Variants in NLGN1 observed in about 807,000 individuals in gnomAD.
NLGN1 encodes neuroligin-1.
Under a neutral mutation model 65.5 loss-of-function variants are expected in NLGN1, and 12 were observed. The ratio of observed to expected loss-of-function variants is 0.18; its 90% CI spans 0.12 to 0.30. The LOEUF (loss-of-function observed/expected upper bound fraction) is 0.30, where lower values mean the gene tolerates loss of function less well. NLGN1 is among the 10% of genes least tolerant of loss of function. The pLI is 1.00. For missense variants in NLGN1, 750 were observed against 1,007.1 expected, an observed-to-expected ratio of 0.74 and a Z score of 3.46; for synonymous variants, 350 against 359.5, an observed-to-expected ratio of 0.97 and a Z score of 0.30.
At chr3:173,661,713 T>G (rs1485679786) in intron 3 of NLGN1, among the ~76,000 whole-genome samples, 1 of 152,050 alleles carries the variant, frequency 6.6e-6, no homozygotes, top group African/African-American at 2.4e-5. Flanking sequence ...AAGTTACAAT[T>G]CATAACTATA....
chr3:173,455,475 A>G (rs1255013650), intron 2 of NLGN1, among the ~76,000 whole-genome samples: 1 of 152,190 alleles, frequency 6.6e-6, no homozygotes, highest in East Asian at 1.9e-4. Flanking sequence ...TATCCAAACC[A>G]TATCAATCAG....
At chr3:173,539,752 A>AACAC (rs1365533692) in intron 2 of NLGN1, among the ~76,000 whole-genome samples, 4 of 114,222 alleles carry the variant, frequency 3.5e-5, no homozygotes, top group African/African-American at 1.6e-4. Flanking sequence ...GTACATATAT[A>AACAC]ACATATACAT....
chr3:174,126,058 G>GAGA (rs1577006446), intron 4 of NLGN1, among the ~76,000 whole-genome samples: 2 of 152,222 alleles, frequency 1.3e-5, no homozygotes, highest in East Asian at 3.9e-4. Flanking sequence ...GTCACACATT[G>GAGA]AGAAGGAGTG....
intron 4 of NLGN1, among the ~76,000 whole-genome samples, chr3:174,102,114 A>G (rs1216439081): frequency 6.6e-6 from 1 of 152,118 alleles, no homozygotes; most frequent in Admixed American, 6.6e-5. Flanking sequence ...TAGATTTTCC[A>G]CCCTCCAAAG....
At chr3:173,997,437 TC>T (rs1410246136) in intron 4 of NLGN1, among the ~76,000 whole-genome samples, 1 of 152,196 alleles carries the variant, frequency 6.6e-6, no homozygotes, top group East Asian at 1.9e-4. Flanking sequence ...ACATCCAGAA[TC>T]ATTTTTTAAG....
intron 3 of NLGN1, among the ~76,000 whole-genome samples, chr3:173,721,280 G>C (rs1770792542): frequency 6.6e-6 from 1 of 152,190 alleles, no homozygotes; most frequent in Non-Finnish European, 1.5e-5. Flanking sequence ...AGGTGACCTT[G>C]TGTCCAATCA....
chr3:173,683,480 GAAC>G (rs1039972715), intron 3 of NLGN1, among the ~76,000 whole-genome samples: 1 of 152,166 alleles, frequency 6.6e-6, no homozygotes, highest in Admixed American at 6.5e-5. Flanking sequence ...CCAAGTGACA[GAAC>G]AACAACTATT....
intron 4 of NLGN1, among the ~76,000 whole-genome samples, chr3:174,239,370 A>G (rs1385934864): frequency 6.6e-6 from 1 of 152,096 alleles, no homozygotes; most frequent in African/African-American, 2.4e-5. Flanking sequence ...AGCCTGGCCT[A>G]TATTGCCTAA....
At chr3:173,726,617 T>C (rs1170435015) in intron 3 of NLGN1, among the ~76,000 whole-genome samples, 1 of 152,138 alleles carries the variant, frequency 6.6e-6, no homozygotes, top group African/African-American at 2.4e-5. Context: ...GTCACCTTTC[T>C]CTAAACCTTG....
At chr3:173,515,037 A>T (rs1369937498) in intron 2 of NLGN1, among the ~76,000 whole-genome samples, 1 of 152,208 alleles carries the variant, frequency 6.6e-6, no homozygotes, top group Admixed American at 6.5e-5. Context: ...GGATTGCTGA[A>T]TTATATGGTA....
chr3:174,040,266 A>G lies in NLGN1; in HGVS notation c.646+232434A>G, dbSNP rs111526164. On this transcript the variant is annotated intron_variant, in intron 4 of 6. Coordinates refer to ENST00000457714, the Ensembl canonical transcript of NLGN1. ...TTAACTCTGTGTGTTACGTAAGGGG[A>G]ATGACGGAGAGAGCAGTCTGTTACT... 2.9e-3 allele frequency among the ~76,000 whole-genome samples: 447 copies of G among 152,206 alleles called. 3 individuals are homozygous for G. Among genetic ancestry groups the G allele is most frequent in the African/African-American group, 0.01 (428 of 41,540 alleles).
At chr3:174,004,572 A>G (rs1266017384) in intron 4 of NLGN1, among the ~76,000 whole-genome samples, 1 of 152,212 alleles carries the variant, frequency 6.6e-6, no homozygotes, top group African/African-American at 2.4e-5. Flanking sequence ...TAATATAGTA[A>G]TTCTATTTAA....
intron 4 of NLGN1, among the ~76,000 whole-genome samples, chr3:174,147,172 A>G (rs1378172475): frequency 2.0e-5 from 3 of 152,054 alleles, no homozygotes; most frequent in Non-Finnish European, 4.4e-5. Flanking sequence ...GCCAAACCAC[A>G]GCTAAGCCTA....
intron 2 of NLGN1, among the ~76,000 whole-genome samples, chr3:173,490,700 A>G (rs1052874250): frequency 1.3e-5 from 2 of 152,176 alleles, no homozygotes; most frequent in Non-Finnish European, 2.9e-5. Flanking sequence ...GGCGATTTTC[A>G]CGATATTGAT....
intron 4 of NLGN1, among the ~76,000 whole-genome samples, chr3:173,841,137 A>G (rs758422199): frequency 3.6e-5 from 3 of 84,388 alleles, no homozygotes; most frequent in Non-Finnish European, 7.8e-5. Context: ...CATTGTATCT[A>G]TATCTATAGT....
intron 3 of NLGN1, among the ~76,000 whole-genome samples, chr3:173,628,800 T>G (rs1305168823): frequency 6.6e-6 from 1 of 151,994 alleles, no homozygotes; most frequent in Non-Finnish European, 1.5e-5. Context: ...CTCAAGCGAT[T>G]CTCCTAGCTC....
At chr3:173,847,664 G>A (rs1191523817) in intron 4 of NLGN1, among the ~76,000 whole-genome samples, 1 of 152,140 alleles carries the variant, frequency 6.6e-6, no homozygotes, top group Non-Finnish European at 1.5e-5. Context: ...CTGAGGGCAG[G>A]AGTTTGAGAC....
chr3:173,459,579 A>G (rs920886813), intron 2 of NLGN1, among the ~76,000 whole-genome samples: 1 of 152,162 alleles, frequency 6.6e-6, no homozygotes, highest in African/African-American at 2.4e-5. Context: ...ATTGTAGAAA[A>G]CAAGATCATG....
chr3:173,823,921 A>T (rs976277448), intron 4 of NLGN1, among the ~76,000 whole-genome samples: 8 of 20,084 alleles, frequency 4.0e-4, no homozygotes, highest in South Asian at 9.7e-4. Flanking sequence ...TGTTAATTTA[A>T]AAAAAAAAAA....
Sources: allele counts gnomAD v4.1 joint callset (sites outside exome capture counted in the v4.1 genomes callset), GRCh38; gene constraint gnomAD v4.1.1; transcripts MANE v1.5; gene names NCBI Gene and HGNC (gene_info 2026-07-23, HGNC 2026-07-21).